The following SENP7 variants were observed in gnomAD, a reference collection of about 807,000 sequenced individuals.
SENP7 encodes SUMO specific peptidase 7, also known as sentrin-specific protease 7.
Under a neutral mutation model 141.2 loss-of-function variants are expected in SENP7, and 64 were observed. That is an observed-to-expected ratio of 0.45 (90% confidence interval 0.37 to 0.56). The LOEUF is 0.56. SENP7 is among the 20% of genes least tolerant of loss of function. The probability of loss-of-function intolerance (pLI) is 0.00; values close to 1 mark genes in which losing one functional copy is unlikely to be tolerated. For synonymous variants in SENP7, 382 were observed against 426.4 expected (o/e 0.90, Z 1.28); for missense variants, 1,025 against 1,212.2 (o/e 0.85, Z 2.29).
intron 2 of SENP7, among the ~76,000 whole-genome samples, chr3:101,495,031 C>T (rs1359987282): frequency 3.9e-5 from 6 of 151,928 alleles, no homozygotes; most frequent in Admixed American, 6.6e-5. Flanking sequence ...GCAGTCTATC[C>T]GTCTGACAAA....
intron 3 of SENP7, among the ~76,000 whole-genome samples, chr3:101,486,132 G>GTTGC (rs1472583300): frequency 6.6e-6 from 1 of 152,138 alleles, no homozygotes; most frequent in African/African-American, 2.4e-5. Flanking sequence ...CCAAACATAA[G>GTTGC]AATAATCAGT....
At chr3:101,482,748 T>G (rs968704893) in intron 3 of SENP7, among the ~76,000 whole-genome samples, 1 of 152,164 alleles carries the variant, frequency 6.6e-6, no homozygotes, top group African/African-American at 2.4e-5. Flanking sequence ...ACCTATCTTT[T>G]TATTTTTTTT....
intron 4 of SENP7, among the ~76,000 whole-genome samples, chr3:101,456,396 T>A (rs2063352246): frequency 6.6e-6 from 1 of 152,152 alleles, no homozygotes; most frequent in African/African-American, 2.4e-5. Flanking sequence ...AGATGGTGAT[T>A]TGGGTCATTA....
intron 4 of SENP7, among the ~76,000 whole-genome samples, chr3:101,437,369 T>A (rs1435294172): frequency 2.0e-5 from 3 of 152,224 alleles, no homozygotes. Flanking sequence ...TTAACAAATG[T>A]AACTGGATTG....
rs952918200 is a variant in SENP7, at chr3:101,325,078, T to C, written c.*865A>G. Reference sequence around the variant, plus strand: ...TAATAAATAGGACTGAGGGTTTTCTTTGTTAAAGTTATGAGGACACCAATT... The same window carrying C: ...TAATAAATAGGACTGAGGGTTTTCTCTGTTAAAGTTATGAGGACACCAATT... On this transcript the variant is annotated 3_prime_UTR_variant, in exon 24 of 24. Transcript: ENST00000394095. The C allele has an allele frequency of 6.6e-6, 1 of 152,090 alleles. No individual in the cohort carries two copies. The highest frequency in any genetic ancestry group is 1.5e-5 in the Non-Finnish European group (1 of 67,992). 9.4% of individuals were successfully genotyped at this position (152,090 alleles called of 1,614,324 possible). A position where few individuals can be genotyped will look rare whatever the true frequency, so the allele number is the denominator to read the frequency against.
chr3:101,429,205 TAG>T (rs2062071014), intron 4 of SENP7, among the ~76,000 whole-genome samples: 1 of 124,782 alleles, frequency 8.0e-6, no homozygotes, highest in Non-Finnish European at 1.8e-5. Flanking sequence ...AAATTTAAAG[TAG>T]TTCTTTTTCC....
At chr3:101,375,633 T>C (rs28883302) in intron 6 of SENP7, among the ~76,000 whole-genome samples, 78 of 150,524 alleles carry the variant, frequency 5.2e-4, no homozygotes, top group African/African-American at 1.9e-3. Context: ...CCCAAAGGAA[T>C]TGAAAGCAGG....
At position 101,444,483 on chromosome 3, in the gene SENP7, G is replaced by A. The variant is rs2062807262; in HGVS notation, c.284+14472C>T. Among the ~76,000 whole-genome samples the A allele has an allele frequency of 2.0e-5, 3 of 151,914 alleles. 1 individual carries two copies. The highest frequency in any genetic ancestry group is 7.3e-5 in the African/African-American group (3 of 41,298). Reference sequence around the variant, plus strand: ...CATTATTCACAATAGCAAAGACTTGGAACCAACCCAAATGTCCAACAATGA... The same window carrying A: ...CATTATTCACAATAGCAAAGACTTGAAACCAACCCAAATGTCCAACAATGA... On this transcript the variant is annotated intron_variant, in intron 4 of 23. Transcript: ENST00000394095.
chr3:101,398,491 A>G (rs1372571552), intron 6 of SENP7, among the ~76,000 whole-genome samples: 1 of 152,152 alleles, frequency 6.6e-6, no homozygotes, highest in African/African-American at 2.4e-5. Flanking sequence ...AATAACAGAC[A>G]AGACTGAATG....
chr3:101,340,031 C>T, intron 16 of SENP7, 64 bp downstream of exon 16: 2 of 1,463,154 alleles, frequency 1.4e-6, no homozygotes, highest in South Asian at 1.4e-5. Context: ...GAGATAAAGA[C>T]ATTTATTTTA....
chr3:101,337,054 G>A (rs1011955629), intron 17 of SENP7: 1 of 152,356 alleles, frequency 6.6e-6, no homozygotes, highest in African/African-American at 2.4e-5. Context: ...GGGACAGTGA[G>A]ACAGCAAAGA....
At position 101,328,699 on chromosome 3, in the gene SENP7, C is replaced by T; in HGVS notation, c.2752-10G>A. The T allele has an allele frequency of 1.9e-6, 3 of 1,599,050 alleles. No individual in the cohort carries two copies. The highest frequency in any genetic ancestry group is 2.6e-6 in the Non-Finnish European group (3 of 1,169,496). The stretch of plus-strand genomic sequence containing the variant: ...TATTCGACTCGGTACTCTGAAATAA[C>T]ATAAATTTTTATGACTGCAATTAAA... On this transcript the variant is annotated splice_polypyrimidine_tract_variant and intron_variant, in intron 20 of 23. Coordinates refer to ENST00000394095, the MANE Select transcript of SENP7 (RefSeq NM_020654.5).
intron 3 of SENP7, among the ~76,000 whole-genome samples, chr3:101,484,715 A>G (rs2064652227): frequency 6.6e-6 from 1 of 152,170 alleles, no homozygotes; most frequent in Non-Finnish European, 1.5e-5. Flanking sequence ...GGAAGCAGCA[A>G]AAAGGCCCTG....
intron 6 of SENP7, among the ~76,000 whole-genome samples, chr3:101,377,108 G>A (rs558912288): frequency 2.0e-5 from 3 of 152,106 alleles, no homozygotes; most frequent in African/African-American, 7.2e-5. Flanking sequence ...TTTAATAAAT[G>A]ATAAACTAAG....
chr3:101,485,204 C>T (rs188227021), intron 3 of SENP7, among the ~76,000 whole-genome samples: 24 of 152,152 alleles, frequency 1.6e-4, no homozygotes, highest in Admixed American at 3.9e-4. Flanking sequence ...GGACATATAA[C>T]CTTGGGAGTT....
At chr3:101,329,691 A>T (rs1400075257) in intron 20 of SENP7, among the ~76,000 whole-genome samples, 1 of 150,594 alleles carries the variant, frequency 6.6e-6, no homozygotes, top group African/African-American at 2.4e-5. Context: ...TAATCTCAGC[A>T]CTTTGGGAGG....
rs188163512 is a variant in SENP7, at chr3:101,328,750, G to C, written c.2752-61C>G. 4.0e-6 allele frequency: 5 copies of C among 1,265,612 alleles called. No individual in the cohort carries two copies. In the East Asian group the frequency reaches 1.2e-4, roughly 30 times the overall value. 78.4% of individuals were successfully genotyped at this position (1,265,612 alleles called of 1,614,324 possible). A position where few individuals can be genotyped will look rare whatever the true frequency, so the allele number is the denominator to read the frequency against. ...GCTATTTTGAATAATTTACTATTCA[G>C]TTACTCCTTTAAAGTGTTTCAAACT... On this transcript the variant is annotated intron_variant, in intron 20 of 23. Transcript: ENST00000394095.
At chr3:101,432,103 G>A (rs906114855) in intron 4 of SENP7, among the ~76,000 whole-genome samples, 1 of 152,096 alleles carries the variant, frequency 6.6e-6, no homozygotes, top group Non-Finnish European at 1.5e-5. Flanking sequence ...TTCACAACAA[G>A]CCATCTTAAG....
chr3:101,430,373 T>A (rs1210233125), intron 4 of SENP7, among the ~76,000 whole-genome samples: 2 of 152,212 alleles, frequency 1.3e-5, no homozygotes. Flanking sequence ...GAGCCTGTTA[T>A]TGGTCTATTC....
Sources: allele counts gnomAD v4.1 joint callset (sites outside exome capture counted in the v4.1 genomes callset), GRCh38; gene constraint gnomAD v4.1.1; transcripts MANE v1.5; gene names NCBI Gene and HGNC (gene_info 2026-07-23, HGNC 2026-07-21).